HKDC1: variants seen among roughly 807,000 people sequenced by gnomAD.
HKDC1 encodes the protein hexokinase domain containing 1, also known as hexokinase HKDC1.
A neutral mutation model predicts 96.6 loss-of-function variants in HKDC1; 66 were observed. The ratio of observed to expected loss-of-function variants is 0.68; its 90% CI spans 0.56 to 0.84. The LOEUF (loss-of-function observed/expected upper bound fraction) is 0.84, where lower values mean the gene tolerates loss of function less well. Among genes scored for constraint, HKDC1 ranks in the 40% least tolerant of loss-of-function variants. The pLI is 0.00. For missense variants in HKDC1, 1,211 were observed against 1,208.1 expected, an observed-to-expected ratio of 1.00 and a Z score of -0.04; for synonymous variants, 466 against 473.1, an observed-to-expected ratio of 0.98 and a Z score of 0.20.
chr10:69,220,570 A>C, intron 1 of HKDC1, 72 bp downstream of exon 1: 1 of 1,151,540 alleles, frequency 8.7e-7, no homozygotes, highest in Non-Finnish European at 1.2e-6. Flanking sequence ...CCTTAAAAAA[A>C]AAATCAGAAG....
chr10:69,228,890 A>T lies in HKDC1; in HGVS notation c.226+1521A>T, dbSNP rs1843203771. 3.0e-5 allele frequency among the ~76,000 whole-genome samples: 4 copies of T among 134,662 alleles called. No individual in the cohort carries two copies. The South Asian group carries it at 8.3e-4, about 28-fold the overall frequency. The allele number at this position is 134,662 out of a possible 152,430, so 88.3% of individuals were successfully genotyped here. ...AAAAAGAAAGAAAGAAAGGAAGAAG[A>T]AAGAAAGAAAGAAAGAGAGAGAAAG... On this transcript the variant is annotated intron_variant, in intron 2 of 17. Transcript: ENST00000354624.
Position 69,239,046 on chromosome 10 carries a change from T to A in HKDC1, c.500T>A (p.Val167Asp). The A allele has an allele frequency of 6.2e-7, 1 of 1,612,600 alleles. No individual in the cohort carries two copies. Among genetic ancestry groups the A allele is most frequent in the Non-Finnish European group, 8.5e-7 (1 of 1,178,866 alleles). The part of the protein sequence containing the change: ...PCRQTKLEEG[V>D]LLSWTKKFKA... ...GGACCTGAAATCTTCTCCCAGGGTG[T>A]CCTACTTTCGTGGACAAAAAAGTTT... The change falls in exon 5 of 18, where the codon GTC becomes GAC. Residue 167 changes from valine (V) to aspartate (D), a missense_variant. By Grantham distance (152) the Val-to-Asp change is radical. Coordinates refer to ENST00000354624, the MANE Select transcript of HKDC1 (RefSeq NM_025130.4).
At chr10:69,238,725 G>C (rs1843403594) in intron 4 of HKDC1, among the ~76,000 whole-genome samples, 1 of 152,226 alleles carries the variant, frequency 6.6e-6, no homozygotes, top group African/African-American at 2.4e-5. Flanking sequence ...GTAGGGAGGT[G>C]ACATTTCCAC....
intron 12 of HKDC1, among the ~76,000 whole-genome samples, chr10:69,252,972 ACG>A (rs1491399580): frequency 3.3e-5 from 4 of 120,096 alleles, no homozygotes; most frequent in South Asian, 2.8e-4. Context: ...CCATCTCTAA[ACG>A]TGTGTGTGTG....
At chr10:69,247,274 T>C (rs993239162) in intron 8 of HKDC1, 86 bp from the exon 9 acceptor site, 1 of 878,154 alleles carries the variant, frequency 1.1e-6, no homozygotes, top group African/African-American at 1.7e-5. Flanking sequence ...ATTTTCACAA[T>C]CCTGAGAGGT....
At chr10:69,231,047 C>A (rs536696091) in intron 2 of HKDC1, among the ~76,000 whole-genome samples, 1 of 152,122 alleles carries the variant, frequency 6.6e-6, no homozygotes, top group East Asian at 1.9e-4. Flanking sequence ...GGGATCACAC[C>A]ATGTGGCATC....
rs1168888699 is a variant in HKDC1 at position 69,228,119 on chromosome 10, G to A, written c.226+750G>A. Among the ~76,000 whole-genome samples, 6 of 152,234 alleles carry A rather than the reference G, an allele frequency of 3.9e-5. No homozygotes were observed. In the East Asian group the frequency reaches 5.8e-4, roughly 15 times the overall value. Reference sequence around the variant, plus strand: ...CTCACTGGGCCAAAATTCAGGTGTCGGCAGGGCTGCGTTCCTTCTGGAAGC... The same window carrying A: ...CTCACTGGGCCAAAATTCAGGTGTCAGCAGGGCTGCGTTCCTTCTGGAAGC... On this transcript the variant is annotated intron_variant, in intron 2 of 17. Transcript: ENST00000354624.
chr10:69,266,885 C>A lies in HKDC1; in HGVS notation c.*128C>A. On this transcript the variant is annotated 3_prime_UTR_variant, in exon 18 of 18. Transcript: ENST00000354624. ...CCTTCTGGATGGCCGAAAGAGAACC[C>A]CAGGTTCTCGGGTACTCTTAGTATC... 2.3e-6 allele frequency: 2 copies of A among 865,810 alleles called. No homozygotes were observed. The highest frequency in any genetic ancestry group is 3.6e-6 in the Non-Finnish European group (2 of 561,008). 53.6% of individuals were successfully genotyped at this position (865,810 alleles called of 1,614,324 possible).
At chr10:69,239,201 G>C (rs948007674) in intron 5 of HKDC1, 64 bp downstream of exon 5, 2 of 1,274,892 alleles carry the variant, frequency 1.6e-6, no homozygotes, top group Non-Finnish European at 2.3e-6. Flanking sequence ...TGGGTTGGTG[G>C]GGCTGGGGGT....
intron 10 of HKDC1, among the ~76,000 whole-genome samples, chr10:69,249,519 G>A (rs1034570305): frequency 2.0e-5 from 3 of 151,774 alleles, no homozygotes; most frequent in Non-Finnish European, 4.4e-5. Flanking sequence ...TTTTTGAGAC[G>A]GAGTCTCGCT....
At chr10:69,246,565 G>A (rs557941731) in intron 8 of HKDC1, among the ~76,000 whole-genome samples, 76 of 152,302 alleles carry the variant, frequency 5.0e-4, no homozygotes, top group African/African-American at 1.8e-3. Context: ...CCTTAGCCCC[G>A]AAAATGTACA....
In HKDC1 at chr10:69,265,630, G is replaced by A; in HGVS notation, c.2418G>A (p.Leu806=). ...AGGTCAGGAGGATTCTGCAGCAGCT[G>A]GGCCTGGACAGCACGTGTGAGGACA... ...LLQVRRILQQ[L]GLDSTCEDSI... The change falls in exon 17 of 18, where the codon CTG becomes CTA. Residue 806 remains leucine (L), a synonymous_variant. Coordinates refer to ENST00000354624, the MANE Select transcript of HKDC1 (RefSeq NM_025130.4). The A allele has an allele frequency of 1.9e-6, 3 of 1,613,912 alleles. No individual in the cohort carries two copies. In the Admixed American group the frequency reaches 5.0e-5, roughly 27 times the overall value.
chr10:69,236,304 C>T (rs937197733), intron 4 of HKDC1, among the ~76,000 whole-genome samples: 5 of 151,590 alleles, frequency 3.3e-5, no homozygotes, highest in Non-Finnish European at 7.4e-5. Flanking sequence ...GACGGAGTTT[C>T]ACCATGTTGG....
intron 1 of HKDC1, among the ~76,000 whole-genome samples, chr10:69,222,237 AAG>A (rs113097183): frequency 3.9e-5 from 6 of 152,182 alleles, no homozygotes; most frequent in African/African-American, 1.2e-4. Context: ...AAAACAAAGA[AAG>A]AGAGAGAGGA....
intron 1 of HKDC1, among the ~76,000 whole-genome samples, chr10:69,221,558 G>C (rs1179112625): frequency 6.6e-6 from 1 of 152,128 alleles, no homozygotes; most frequent in Non-Finnish European, 1.5e-5. Flanking sequence ...GATGGAATGA[G>C]GATTAAATCC....
chr10:69,227,231 C>A lies in HKDC1; in HGVS notation c.88C>A (p.Arg30=), dbSNP rs990696322. 1 of 1,614,094 alleles carries A rather than the reference C, an allele frequency of 6.2e-7. No individual in the cohort carries two copies. The highest frequency in any genetic ancestry group is 2.2e-5 in the East Asian group (1 of 44,876). ...GGTGGACAGGTTCCTGTATCACATG[C>A]GGCTCTCCGATGACACCCTTTTGGA... is the stretch of plus-strand genomic sequence containing the variant. ...KKVDRFLYHM[R]LSDDTLLDIM... The change falls in exon 2 of 18, where the codon CGG becomes AGG. Residue 30 remains arginine, a synonymous_variant. Transcript: ENST00000354624.
chr10:69,233,907 A>AAAAAAAAAG lies in HKDC1; in HGVS notation c.495+777_495+778insAAAAAGAAA, dbSNP rs1196765300. Among the ~76,000 whole-genome samples the AAAAAAAAAG allele has an allele frequency of 2.8e-5, 4 of 145,164 alleles. 1 individual carries two copies. Among genetic ancestry groups the AAAAAAAAAG allele is most frequent in the African/African-American group, 1.0e-4 (4 of 39,210 alleles). On this transcript the variant is annotated intron_variant, in intron 4 of 17. Transcript: ENST00000354624. ...AGCAAGACTCCGTCTCAAAAAAAAAAAAAGGAATGGGGGCACTGGAGGAGT... is the reference window on the plus strand; with the variant it reads ...AGCAAGACTCCGTCTCAAAAAAAAAAAAAAAAAAGAAAGGAATGGGGGCACTGGAGGAGT...
intron 8 of HKDC1, 100 bp downstream of exon 8, chr10:69,246,334 C>T (rs1589411006): frequency 1.5e-6 from 2 of 1,294,186 alleles, no homozygotes; most frequent in East Asian, 2.4e-5. Flanking sequence ...ACTAGATCCT[C>T]CTCCTTCACC....
intron 12 of HKDC1, among the ~76,000 whole-genome samples, chr10:69,255,158 G>A (rs12261533): frequency 0.058 from 8,836 of 152,244 alleles, 811 homozygotes; most frequent in African/African-American, 0.2. Flanking sequence ...TGAAGGTGTC[G>A]TGAAGACACA....
Sources: allele counts gnomAD v4.1 joint callset (sites outside exome capture counted in the v4.1 genomes callset), GRCh38; gene constraint gnomAD v4.1.1; transcripts MANE v1.5; gene names NCBI Gene and HGNC (gene_info 2026-07-23, HGNC 2026-07-21).